KCNA4: variants seen among roughly 807,000 people sequenced by gnomAD.
KCNA4 encodes potassium voltage-gated channel subfamily A member 4, also known as cardiac potassium channel.
In KCNA4, 5 loss-of-function variants were observed where a neutral mutation model predicts 37.2. That is an observed-to-expected ratio of 0.13 (90% CI 0.07 to 0.28). KCNA4 has a LOEUF of 0.28. KCNA4 is among the 10% of genes least tolerant of loss of function. The pLI, the probability that KCNA4 is intolerant of heterozygous loss-of-function variation, is 1.00. For missense variants in KCNA4, 634 were observed against 817.4 expected (o/e 0.78, Z 2.74); for synonymous variants, 350 against 311.8 (o/e 1.12, Z -1.29).
Position 30,010,874 on chromosome 11 carries a change from G to A in KCNA4, c.1805C>T (p.Ser602Phe), listed in dbSNP as rs757787586. The A allele has an allele frequency of 6.2e-7, 1 of 1,614,176 alleles. No homozygotes were observed. Among genetic ancestry groups the A allele is most frequent in the Non-Finnish European group, 8.5e-7 (1 of 1,180,040 alleles). Residue 602 changes from serine (S) to phenylalanine (F), a missense_variant, in exon 2 of 2, where the codon TCT (serine) becomes TTT (phenylalanine). Ser to Phe is a radical substitution (Grantham distance 155). Coordinates refer to ENST00000328224, the MANE Select transcript of KCNA4 (RefSeq NM_002233.4). ...CTCTGACTTGTCCCCCAGGGAAGAAGAAGTAGAGCTCCGAAATTTCTTGAG... is the reference window on the plus strand; with the variant it reads ...CTCTGACTTGTCCCCCAGGGAAGAAAAAGTAGAGCTCCGAAATTTCTTGAG... ...NLLKKFRSST[S>F]SSLGDKSEYL...
In KCNA4 at chr11:30,010,789, C is replaced by G; in HGVS notation, c.1890G>C (p.Gln630His). 1 of 1,614,204 alleles carries G rather than the reference C, an allele frequency of 6.2e-7. No individual in the cohort carries two copies. Among genetic ancestry groups the G allele is most frequent in the Non-Finnish European group, 8.5e-7 (1 of 1,180,042 alleles). The change falls in exon 2 of 2, where the codon CAG becomes CAC. Residue 630 changes from glutamine (Q) to histidine (H), a missense_variant. By Grantham distance (24) the Gln-to-His change is conservative (BLOSUM62 0). Coordinates refer to ENST00000328224, the MANE Select transcript of KCNA4 (RefSeq NM_002233.4). ...CTGTCTCACTGTCATCCCCCTTTCCCTGACACTTCTCCTCCTTTGCACACA... is the reference window on the plus strand; with the variant it reads ...CTGTCTCACTGTCATCCCCCTTTCCGTGACACTTCTCCTCCTTTGCACACA... ...ESLCAKEEKC[Q>H]GKGDDSETDK...
Position 30,010,854 on chromosome 11 carries a change from A to G in KCNA4, c.1825T>C (p.Ser609Pro). The part of the protein sequence containing the change: ...SSTSSSLGDK[S>P]EYLEMEEGVK... Reference sequence around the variant, plus strand: ...CCTTCTTCCATCTCTAGATACTCTGACTTGTCCCCCAGGGAAGAAGAAGTA... The same window carrying G: ...CCTTCTTCCATCTCTAGATACTCTGGCTTGTCCCCCAGGGAAGAAGAAGTA... The change falls in exon 2 of 2, where the codon TCA becomes CCA. Residue 609 changes from serine to proline, a missense_variant. By Grantham distance (74) the Ser-to-Pro change is moderately conservative (BLOSUM62 -1). Transcript: ENST00000328224. The G allele has an allele frequency of 6.2e-7, 1 of 1,614,178 alleles. No individual in the cohort carries two copies. The highest frequency in any genetic ancestry group is 8.5e-7 in the Non-Finnish European group (1 of 1,180,032).
At position 30,012,597 on chromosome 11, in the gene KCNA4, G is replaced by A. The variant is rs1225405166; in HGVS notation, c.82C>T (p.Arg28Trp). The A allele has an allele frequency of 4.4e-6, 7 of 1,607,800 alleles. No individual in the cohort carries two copies. Among genetic ancestry groups the A allele is most frequent in the Middle Eastern group, 1.7e-4 (1 of 6,058 alleles). Residue 28 changes from arginine (R) to tryptophan (W), a missense_variant, in exon 2 of 2, where the codon CGG becomes TGG. Physicochemically the swap from Arg to Trp is moderately radical, Grantham distance 101 (BLOSUM62 -3). Coordinates refer to ENST00000328224, the MANE Select transcript of KCNA4 (RefSeq NM_002233.4). Reference protein sequence around the residue: ...PYGYAAQARARERERLAHSRA... With the variant: ...PYGYAAQARAWERERLAHSRA... ...GAGTGAGCAAGCCTCTCCCGCTCCC[G>A]GGCCCGGGCCTGGGCAGCATAACCA...
Position 30,009,816 on chromosome 11 carries a change from A to G in KCNA4, c.*901T>C, listed in dbSNP as rs1231797405. 6.6e-6 allele frequency: 1 copy of G among 152,174 alleles called. No homozygotes were observed. The highest frequency in any genetic ancestry group is 2.4e-5 in the African/African-American group (1 of 41,456). The allele number at this position is 152,174 out of a possible 1,614,324, so 9.4% of individuals were successfully genotyped here. On this transcript the variant is annotated 3_prime_UTR_variant, in exon 2 of 2. Transcript: ENST00000328224. ...TTTTAAAAGAGGAGAGAATCCTGTG[A>G]TGTTATCTGCATGATCATTAGTCTC...
In KCNA4 at chr11:30,010,390, T is replaced by TCA. The variant is rs1019360828; in HGVS notation, c.*325_*326dup. 2.9e-4 allele frequency: 80 copies of TCA among 273,334 alleles called. No individual in the cohort carries two copies. Among genetic ancestry groups the TCA allele is most frequent in the South Asian group, 2.7e-4 (2 of 7,434 alleles). The allele number at this position is 273,334 out of a possible 1,614,324, so 16.9% of individuals were successfully genotyped here. On this transcript the variant is annotated 3_prime_UTR_variant, in exon 2 of 2. Transcript: ENST00000328224. ...CAATTACTAACATTGACAATTTACTTCACACACACACACATATACACACAC... is the reference window on the plus strand; with the variant it reads ...CAATTACTAACATTGACAATTTACTTCACACACACACACACATATACACACAC...
intron 1 of KCNA4, among the ~76,000 whole-genome samples, chr11:30,014,317 GT>G (rs1850332433): frequency 6.6e-6 from 1 of 152,094 alleles, no homozygotes; most frequent in Non-Finnish European, 1.5e-5. Flanking sequence ...TGTCCCCATT[GT>G]TTTTCTGTTC....
chr11:30,012,145 C>T lies in KCNA4; in HGVS notation c.534G>A (p.Val178=), dbSNP rs1428619284. Residue 178 remains valine, a synonymous_variant, in exon 2 of 2, where the codon GTG becomes GTA. Transcript: ENST00000328224. ...SVRYSDCCER[V]VINVSGLRFE... ...AGCGTAGGCCTGACACATTTATCAC[C>T]ACACGTTCACAACAGTCACTGTAGC... 1 of 1,614,184 alleles carries T rather than the reference C, an allele frequency of 6.2e-7. No homozygotes were observed. The highest frequency in any genetic ancestry group is 8.5e-7 in the Non-Finnish European group (1 of 1,180,030).
rs935616344 is a variant in KCNA4, at chr11:30,010,589, A to G, written c.*128T>C. The G allele has an allele frequency of 1.5e-6, 2 of 1,340,674 alleles. No individual in the cohort carries two copies. The highest frequency in any genetic ancestry group is 2.0e-6 in the Non-Finnish European group (2 of 1,011,956). The allele number at this position is 1,340,674 out of a possible 1,614,324, so 83.0% of individuals were successfully genotyped here. ...AAGTTTAGTAACAATTATGCCATGT[A>G]TAACCATTAAATAGTGTACTACTGT... On this transcript the variant is annotated 3_prime_UTR_variant, in exon 2 of 2. Transcript: ENST00000328224.
rs372809586 is a variant in KCNA4, at chr11:30,011,739, C to T, written c.940G>A (p.Val314Ile). ...SPARGIAIVS[V>I]LVILISIVIF... ...ACAATGGAGATTAAGATGACCAGGA[C>T]GGACACAATGGCTATGCCCCTTGCA... Residue 314 changes from valine (V) to isoleucine (I), a missense_variant, in exon 2 of 2, where the codon GTC becomes ATC. Physicochemically the swap from Val to Ile is conservative, Grantham distance 29. Transcript: ENST00000328224. The surrounding 1 kb of genome is among the most constrained non-coding windows in gnomAD (Gnocchi z 5.6). 34 of 1,613,902 alleles carry T rather than the reference C, an allele frequency of 2.1e-5. No homozygotes were observed. Among genetic ancestry groups the T allele is most frequent in the Non-Finnish European group, 2.6e-5 (31 of 1,180,024 alleles).
In KCNA4 at chr11:30,016,871, T is replaced by C. The variant is rs1223292396; in HGVS notation, c.-1082A>G. 2.5e-6 allele frequency: 1 copy of C among 397,842 alleles called. No individual in the cohort carries two copies. The highest frequency in any genetic ancestry group is 2.1e-5 in the African/African-American group (1 of 48,532). The allele number at this position is 397,842 out of a possible 1,614,324, so 24.6% of individuals were successfully genotyped here. A position where few individuals can be genotyped will look rare whatever the true frequency, so the allele number is the denominator to read the frequency against. ...CCTCTGGAGTTCAGCACAGGAGGGA[T>C]TGCCTGGGAAAGGAAGTCAAGGTTC... On this transcript the variant is annotated 5_prime_UTR_variant, in exon 1 of 2. Transcript: ENST00000328224.
rs537786900 is a variant in KCNA4 at position 30,010,072 on chromosome 11, C to A, written c.*645G>T. On this transcript the variant is annotated 3_prime_UTR_variant, in exon 2 of 2. Coordinates refer to ENST00000328224, the MANE Select transcript of KCNA4 (RefSeq NM_002233.4). ...GTTAGACATTTGCTGTTAAGTCTTC[C>A]CAAAATTAATAACAAAATATAATCA... The A allele has an allele frequency of 6.6e-6, 1 of 152,166 alleles. No homozygotes were observed. Among genetic ancestry groups the A allele is most frequent in the East Asian group, 1.9e-4 (1 of 5,184 alleles). The allele number at this position is 152,166 out of a possible 1,614,324, so 9.4% of individuals were successfully genotyped here.
chr11:30,015,434 C>T (rs1212105043), intron 1 of KCNA4, among the ~76,000 whole-genome samples: 3 of 152,232 alleles, frequency 2.0e-5, no homozygotes, highest in African/African-American at 7.2e-5. Context: ...ACCCAACTGA[C>T]TCCCAGAAGG....
chr11:30,016,466 C>G (rs1004376850), intron 1 of KCNA4, 106 bp downstream of exon 1: 3 of 145,912 alleles, frequency 2.1e-5, no homozygotes, highest in African/African-American at 7.9e-5. Flanking sequence ...GTCACATTCC[C>G]GATATTATTT....
chr11:30,014,490 C>T (rs1564936908), intron 1 of KCNA4, among the ~76,000 whole-genome samples: 1 of 152,092 alleles, frequency 6.6e-6, no homozygotes, highest in African/African-American at 2.4e-5. Context: ...TTTTAAATGT[C>T]AGTTTCTGTG....
rs1252607751 is a variant in KCNA4 at position 30,012,279 on chromosome 11, C to T, written c.400G>A (p.Glu134Lys). The change falls in exon 2 of 2, where the codon GAG (glutamate) becomes AAG (lysine). Residue 134 changes from glutamate (E) to lysine (K), a missense_variant. By Grantham distance (56) the Glu-to-Lys change is moderately conservative. This residue lies in a region of KCNA4 where 236 missense variants were observed against 229.5 expected (regional missense o/e 1.03). Coordinates refer to ENST00000328224, the MANE Select transcript of KCNA4 (RefSeq NM_002233.4). The stretch of plus-strand genomic sequence containing the variant: ...TAGTAAAACCTTCCCTCCTCTTCCT[C>T]CTCTTCCTCCTCCTCCTCATCTTCC... ...EEEDEEEEEEEEEEGRFYYSE... is the reference protein window; with the variant it reads ...EEEDEEEEEEKEEEGRFYYSE... 6.2e-7 allele frequency: 1 copy of T among 1,614,044 alleles called. No homozygotes were observed. Among genetic ancestry groups the T allele is most frequent in the Admixed American group, 1.7e-5 (1 of 60,026 alleles).
Position 30,012,323 on chromosome 11 carries a change from C to A in KCNA4, c.356G>T (p.Arg119Met). 1 of 1,614,068 alleles carries A rather than the reference C, an allele frequency of 6.2e-7. No individual in the cohort carries two copies. The highest frequency in any genetic ancestry group is 8.5e-7 in the Non-Finnish European group (1 of 1,180,010). The change falls in exon 2 of 2, where the codon AGG (arginine) becomes ATG (methionine). Residue 119 changes from arginine to methionine, a missense_variant. Physicochemically the swap from Arg to Met is moderately conservative, Grantham distance 91. Around this residue, in one of 8 missense-constraint regions of KCNA4, gnomAD observed 236 missense variants for 229.5 expected, o/e 1.03. Coordinates refer to ENST00000328224, the MANE Select transcript of KCNA4 (RefSeq NM_002233.4). ...MPSGSEEKIL[R>M]ELSEEEEDEE... ...ATCTTCCTCCTCCTCACTCAGCTCC[C>A]TCAGGATCTTCTCCTCAGAGCCACT... is the stretch of plus-strand genomic sequence containing the variant.
chr11:30,011,686 C>G lies in KCNA4; in HGVS notation c.993G>C (p.Glu331Asp), dbSNP rs763444867. Residue 331 changes from glutamate to aspartate, a missense_variant, in exon 2 of 2, where the codon GAG becomes GAC. This residue lies in a region of KCNA4 where 252 missense variants were observed against 344.2 expected (regional missense o/e 0.73). Coordinates refer to ENST00000328224, the MANE Select transcript of KCNA4 (RefSeq NM_002233.4). This position sits in a 1 kb window ranked among gnomAD's most constrained non-coding sequence, Gnocchi z 5.6. Reference protein sequence around the residue: ...IVIFCLETLPEFRDDRDLVMA... With the variant: ...IVIFCLETLPDFRDDRDLVMA... ...TGACGAGATCCCTGTCGTCCCTAAA[C>G]TCAGGCAAGGTTTCCAGGCAAAAGA... 6.2e-7 allele frequency: 1 copy of G among 1,614,048 alleles called. No individual in the cohort carries two copies.
chr11:30,010,726 A>T lies in KCNA4; in HGVS notation c.1953T>A (p.Thr651=). 1 of 1,597,576 alleles carries T rather than the reference A, an allele frequency of 6.3e-7. No homozygotes were observed. Among genetic ancestry groups the T allele is most frequent in the African/African-American group, 1.3e-5 (1 of 74,432 alleles). ...GCAGGTGGAAAAAGATTCACACATC[A>T]GTCTCCACAGCCTTTGCATTAGAAC... is the stretch of plus-strand genomic sequence containing the variant. The part of the protein sequence containing the change: ...NNCSNAKAVE[T]DV The change falls in exon 2 of 2, where the codon ACT becomes ACA. Residue 651 remains threonine (T), a synonymous_variant. Transcript: ENST00000328224.
Position 30,016,784 on chromosome 11 carries a change from G to A in KCNA4, c.-995C>T, listed in dbSNP as rs1426648264. On this transcript the variant is annotated 5_prime_UTR_variant, in exon 1 of 2. Transcript: ENST00000328224. ...GGCCCGAGGGGTGCACAGAGTCCTC[G>A]CGGCTGGAGCCTGGGGGTGGGGGTT... 2.6e-6 allele frequency: 1 copy of A among 384,912 alleles called. No individual in the cohort carries two copies. The highest frequency in any genetic ancestry group is 2.1e-5 in the African/African-American group (1 of 47,966). 23.8% of individuals were successfully genotyped at this position (384,912 alleles called of 1,614,324 possible).
Sources: allele counts gnomAD v4.1 joint callset (sites outside exome capture counted in the v4.1 genomes callset), GRCh38; gene constraint gnomAD v4.1.1; regional missense constraint gnomAD v4.1.1; non-coding constraint Gnocchi (gnomAD v3.1); transcripts MANE v1.5; gene names NCBI Gene and HGNC (gene_info 2026-07-23, HGNC 2026-07-21).